RFC3: variants seen among roughly 807,000 people sequenced by gnomAD.
RFC3 encodes the protein A1 38 kDa subunit.
In RFC3, 41 loss-of-function variants were observed where a neutral mutation model predicts 45.1. The ratio of observed to expected loss-of-function variants is 0.91; its 90% CI spans 0.71 to 1.18. RFC3 has a LOEUF of 1.18. RFC3 is among the 50% of genes most tolerant of loss of function. The probability of loss-of-function intolerance (pLI) is 0.00; values close to 1 mark genes in which losing one functional copy is unlikely to be tolerated. For synonymous variants in RFC3, 149 were observed against 144.0 expected (o/e 1.03, Z -0.25); for missense variants, 423 against 428.1 (o/e 0.99, Z 0.10).
At chr13:33,971,447 A>G (rs1309689732), downstream of RFC3, among the ~76,000 whole-genome samples, 2 of 152,258 alleles carry the variant, frequency 1.3e-5, no homozygotes, top group African/African-American at 2.4e-5. Context: ...TTTATCTTCA[A>G]TTGTTCTACA....
At chr13:33,972,188 A>G in the RFC3 span, among the ~76,000 whole-genome samples, 1 of 152,242 alleles carries the variant, frequency 6.6e-6, no homozygotes, top group Admixed American at 6.5e-5. Context: ...AATTTGTTTT[A>G]TAAATTATGT....
intron 8 of RFC3, among the ~76,000 whole-genome samples, chr13:33,897,663 T>G (rs2082609551): frequency 6.6e-6 from 1 of 151,960 alleles, no homozygotes; most frequent in Non-Finnish European, 1.5e-5. Context: ...GTATGCTGCC[T>G]TCAAAAAAGT....
chr13:33,920,603 A>AT (rs2082762974), intron 8 of RFC3, among the ~76,000 whole-genome samples: 1 of 151,226 alleles, frequency 6.6e-6, no homozygotes, highest in African/African-American at 2.4e-5. Flanking sequence ...TAATTCTTAA[A>AT]TTTTTTTGTA....
intron 8 of RFC3, among the ~76,000 whole-genome samples, chr13:33,878,203 C>T (rs1471917913): frequency 2.6e-5 from 4 of 152,096 alleles, no homozygotes; most frequent in East Asian, 1.9e-4. Flanking sequence ...TATCAAGGGA[C>T]GTGTCTTTGT....
downstream of RFC3, among the ~76,000 whole-genome samples, chr13:33,838,752 T>A (rs1295393272): frequency 6.6e-6 from 1 of 152,162 alleles, no homozygotes; most frequent in Non-Finnish European, 1.5e-5. Flanking sequence ...TTTTGGCTGC[T>A]TTTTCTCCTG....
At position 33,836,621 on chromosome 13, in the gene RFC3, C is replaced by T. The variant is rs1221952381; in HGVS notation, c.*326C>T. The T allele has an allele frequency of 9.9e-7, 1 of 1,011,076 alleles. No homozygotes were observed. Among genetic ancestry groups the T allele is most frequent in the Non-Finnish European group, 1.2e-6 (1 of 846,374 alleles). 62.6% of individuals were successfully genotyped at this position (1,011,076 alleles called of 1,614,324 possible). On this transcript the variant is annotated 3_prime_UTR_variant, in exon 9 of 9. Transcript: ENST00000380071. The stretch of plus-strand genomic sequence containing the variant: ...TCTCACCTGCTAAAGGAGATTTACA[C>T]ATTAGAAAGCAAAGATTATTTTCAT...
Position 33,818,245 on chromosome 13 carries a change from G to T in RFC3, c.67G>T (p.Ala23Ser), listed in dbSNP as rs777765038. Residue 23 changes from alanine (A) to serine (S), a missense_variant, in exon 1 of 9, where the codon GCG becomes TCG. Coordinates refer to ENST00000380071, the MANE Select transcript of RFC3 (RefSeq NM_002915.4). Reference sequence around the variant, plus strand: ...ACGGCTGGACTATCACAAGGAGCAGGCGGCCCAGCTGCGGAACCTGGTGAG... The same window carrying T: ...ACGGCTGGACTATCACAAGGAGCAGTCGGCCCAGCTGCGGAACCTGGTGAG... ...LGRLDYHKEQ[A>S]AQLRNLVQCG... The T allele has an allele frequency of 1.2e-6, 2 of 1,613,540 alleles. No homozygotes were observed. Among genetic ancestry groups the T allele is most frequent in the African/African-American group, 1.3e-5 (1 of 75,076 alleles).
At chr13:33,868,727 G>A (rs749277468) in intron 8 of RFC3, among the ~76,000 whole-genome samples, 3 of 152,158 alleles carry the variant, frequency 2.0e-5, no homozygotes, top group East Asian at 3.9e-4. Flanking sequence ...TGGAGTGTAC[G>A]GGAGTGTACT....
At chr13:33,914,869 A>G (rs889223487) in intron 8 of RFC3, among the ~76,000 whole-genome samples, 24 of 152,186 alleles carry the variant, frequency 1.6e-4, no homozygotes, top group African/African-American at 4.8e-4. Flanking sequence ...TAAGTATAAA[A>G]TAGGAAAATG....
chr13:33,889,135 C>T (rs1198737733), intron 8 of RFC3, among the ~76,000 whole-genome samples: 2 of 152,306 alleles, frequency 1.3e-5, no homozygotes, highest in Non-Finnish European at 1.5e-5. Flanking sequence ...AGCTGAAAGA[C>T]GAGACTGGAC....
intron 8 of RFC3, among the ~76,000 whole-genome samples, chr13:33,947,640 G>C (rs2082962531): frequency 6.6e-6 from 1 of 152,180 alleles, no homozygotes; most frequent in Admixed American, 6.5e-5. Flanking sequence ...CAGAAGACAG[G>C]AAGATGTGAG....
At chr13:33,968,675 G>T (rs1566046402), downstream of RFC3, among the ~76,000 whole-genome samples, 1 of 152,182 alleles carries the variant, frequency 6.6e-6, no homozygotes, top group Non-Finnish European at 1.5e-5. Flanking sequence ...AGAAATGATT[G>T]TGCAGACCAA....
In RFC3 at chr13:33,836,401, G is replaced by A. The variant is rs1447905113; in HGVS notation, c.*106G>A. ...AACTGAACTTAATCATGTCGTATTTGCGTTTTTTTGGTAATAACTTCTCTG... is the reference window on the plus strand; with the variant it reads ...AACTGAACTTAATCATGTCGTATTTACGTTTTTTTGGTAATAACTTCTCTG... On this transcript the variant is annotated 3_prime_UTR_variant, in exon 9 of 9. Transcript: ENST00000380071. 4 of 1,496,444 alleles carry A rather than the reference G, an allele frequency of 2.7e-6. No homozygotes were observed. The African/African-American group carries it at 5.6e-5, about 21-fold the overall frequency. 92.7% of individuals were successfully genotyped at this position (1,496,444 alleles called of 1,614,324 possible).
chr13:33,910,715 A>G (rs964173239), intron 8 of RFC3, among the ~76,000 whole-genome samples: 1 of 152,264 alleles, frequency 6.6e-6, no homozygotes. Flanking sequence ...TTACACTGCT[A>G]TAAAGAAATA....
chr13:33,882,533 T>C (rs1456411799), intron 8 of RFC3, among the ~76,000 whole-genome samples: 1 of 151,746 alleles, frequency 6.6e-6, no homozygotes, highest in Non-Finnish European at 1.5e-5. Context: ...CAGAAAAGGG[T>C]TTGCTTCCTC....
downstream of RFC3, among the ~76,000 whole-genome samples, chr13:33,966,898 C>T (rs1831299): frequency 0.94 from 142,719 of 152,232 alleles, 67,557 homozygotes; most frequent in East Asian, 1. Flanking sequence ...GGCTCACACC[C>T]ATAATCCCAG....
rs193180565 is a variant in RFC3 at position 33,877,220 on chromosome 13, G to T, written c.879+42003G>T. Among the ~76,000 whole-genome samples the T allele has an allele frequency of 1.2e-3, 184 of 152,304 alleles. 2 individuals carry two copies. The highest frequency in any genetic ancestry group is 4.2e-3 in the African/African-American group (174 of 41,572). On this transcript the variant is annotated intron_variant, in intron 8 of 8. Coordinates refer to the RFC3 transcript ENST00000434425. ...TTAGCCAAAGTCACACAGCATTAAG[G>T]AGTAGAGGTAAGCTGATTATGCGGC...
At chr13:33,829,248 T>C (rs2082079107) in intron 4 of RFC3, among the ~76,000 whole-genome samples, 1 of 152,226 alleles carries the variant, frequency 6.6e-6, no homozygotes, top group Admixed American at 6.5e-5. Context: ...AATCTTACTT[T>C]ATGGTGGCCA....
chr13:33,903,422 G>A (rs544515344), intron 8 of RFC3, among the ~76,000 whole-genome samples: 1 of 152,180 alleles, frequency 6.6e-6, no homozygotes, highest in South Asian at 2.1e-4. Flanking sequence ...AATATAACTC[G>A]TGATAAGTTT....
Sources: gnomAD v4.1 joint callset for allele counts (sites outside exome capture counted in the v4.1 genomes callset) on GRCh38, gnomAD v4.1.1 for gene constraint, MANE v1.5 for transcripts, NCBI Gene and HGNC (gene_info 2026-07-23, HGNC 2026-07-21) for gene names.